Variants in TBC1D8 observed in about 807,000 individuals in gnomAD.
TBC1D8 encodes BUB2-like protein 1.
A neutral mutation model predicts 118.8 loss-of-function variants in TBC1D8; 65 were observed. The ratio of observed to expected loss-of-function variants is 0.55; its 90% confidence interval spans 0.45 to 0.67. The LOEUF is 0.67. TBC1D8 is among the 30% of genes least tolerant of loss of function. The pLI is 0.00. For synonymous variants in TBC1D8, 566 were observed against 595.8 expected, an observed-to-expected ratio of 0.95 and a Z score of 0.73; for missense variants, 1,376 against 1,471.2, an observed-to-expected ratio of 0.94 and a Z score of 1.06.
At chr2:101,023,244 A>G (rs1469139488) in intron 15 of TBC1D8, among the ~76,000 whole-genome samples, 4 of 151,836 alleles carry the variant, frequency 2.6e-5, no homozygotes, top group Non-Finnish European at 4.4e-5. Flanking sequence ...TCCAAGGTTC[A>G]AACCAGTCTC....
chr2:101,052,547 G>C (rs561849591), intron 4 of TBC1D8, among the ~76,000 whole-genome samples: 1 of 149,398 alleles, frequency 6.7e-6, no homozygotes, highest in South Asian at 2.1e-4. Context: ...TGCAATCTCG[G>C]CTCACTGCAA....
chr2:101,087,871 C>G (rs965822394), intron 2 of TBC1D8, among the ~76,000 whole-genome samples: 17 of 152,246 alleles, frequency 1.1e-4, no homozygotes, highest in African/African-American at 4.1e-4. Context: ...AGCCAGTGAA[C>G]ACTATCAGAC....
At chr2:101,059,600 C>T (rs1021910642) in intron 2 of TBC1D8, 61 bp from the exon 3 acceptor site, 77 of 1,374,418 alleles carry the variant, frequency 5.6e-5, no homozygotes, top group South Asian at 1.2e-4. Context: ...ATTCCTAGAA[C>T]GTTAACTCAT....
At chr2:101,013,098 A>G (rs1317617194) in intron 17 of TBC1D8, among the ~76,000 whole-genome samples, 3 of 152,206 alleles carry the variant, frequency 2.0e-5, no homozygotes, top group South Asian at 2.1e-4. Flanking sequence ...AAAGGCAGCA[A>G]TTAATCCAGG....
chr2:101,148,041 A>C (rs1258707792), intron 1 of TBC1D8, among the ~76,000 whole-genome samples: 3 of 152,350 alleles, frequency 2.0e-5, no homozygotes, highest in Non-Finnish European at 4.4e-5. Context: ...TAGTGCTCAG[A>C]GCCCAGGAGC....
chr2:101,032,374 G>A lies in TBC1D8; in HGVS notation c.1830C>T (p.Ile610=). Residue 610 remains isoleucine, a synonymous_variant, in exon 11 of 20, where the codon ATC becomes ATT. Transcript: ENST00000409318. ...PKIGYCQSMN[I]LTSVLLLYTK... The stretch of plus-strand genomic sequence containing the variant: ...TGTACAGCAGCAGCACGGAGGTCAG[G>A]ATGTTCATGGACTGCTCGGGGGTCA... 1 of 1,613,756 alleles carries A rather than the reference G, an allele frequency of 6.2e-7. No homozygotes were observed. The highest frequency in any genetic ancestry group is 8.5e-7 in the Non-Finnish European group (1 of 1,179,702).
intron 1 of TBC1D8, among the ~76,000 whole-genome samples, chr2:101,106,897 A>G (rs1461642192): frequency 6.6e-6 from 1 of 152,244 alleles, no homozygotes; most frequent in African/African-American, 2.4e-5. Flanking sequence ...GCTTTGTGTT[A>G]GAAGACTTTG....
chr2:101,090,072 G>T, intron 2 of TBC1D8, 137 bp downstream of exon 2: 1 of 801,720 alleles, frequency 1.2e-6, no homozygotes, highest in Non-Finnish European at 1.9e-6. Context: ...AAGGGGAGTG[G>T]AGGGGAGGGG....
At chr2:101,020,477 A>C (rs1679966485) in intron 17 of TBC1D8, among the ~76,000 whole-genome samples, 1 of 152,270 alleles carries the variant, frequency 6.6e-6, no homozygotes, top group Non-Finnish European at 1.5e-5. Context: ...AACAATTTGC[A>C]TTTATGATCA....
intron 1 of TBC1D8, among the ~76,000 whole-genome samples, chr2:101,130,079 C>A (rs1187968437): frequency 1.3e-5 from 2 of 152,154 alleles, no homozygotes; most frequent in African/African-American, 2.4e-5. Flanking sequence ...CCAGCCATGA[C>A]CCTCAGAGCC....
intron 2 of TBC1D8, among the ~76,000 whole-genome samples, chr2:101,077,673 C>T (rs1255100423): frequency 6.6e-6 from 1 of 152,162 alleles, no homozygotes; most frequent in Non-Finnish European, 1.5e-5. Flanking sequence ...AATCACCTCC[C>T]ACCAGGCCCC....
chr2:101,059,129 G>A (rs547078003), intron 3 of TBC1D8, among the ~76,000 whole-genome samples: 6 of 151,380 alleles, frequency 4.0e-5, no homozygotes, highest in East Asian at 2.0e-4. Flanking sequence ...GGATGGTCTC[G>A]ACCTCCTGAC....
chr2:101,029,010 G>A (rs79104894), intron 12 of TBC1D8, among the ~76,000 whole-genome samples: 8,090 of 152,242 alleles, frequency 0.053, 720 homozygotes, highest in African/African-American at 0.19. Flanking sequence ...AGGGACAATG[G>A]CACCCTTCAC....
At chr2:101,109,092 G>C (rs1677413966) in intron 1 of TBC1D8, among the ~76,000 whole-genome samples, 1 of 152,198 alleles carries the variant, frequency 6.6e-6, no homozygotes, top group Admixed American at 6.5e-5. Flanking sequence ...AAGCGGGGGA[G>C]AGTGACCCCC....
chr2:101,026,980 G>A (rs981352373), intron 15 of TBC1D8, among the ~76,000 whole-genome samples: 1 of 152,178 alleles, frequency 6.6e-6, no homozygotes, highest in African/African-American at 2.4e-5. Context: ...CATGTACTGT[G>A]GTGTGGGATC....
At chr2:101,110,498 C>T (rs1408386657) in intron 1 of TBC1D8, among the ~76,000 whole-genome samples, 2 of 152,118 alleles carry the variant, frequency 1.3e-5, no homozygotes, top group African/African-American at 2.4e-5. Flanking sequence ...TGATGGAAAA[C>T]GTTATTACTG....
At chr2:101,140,266 C>T (rs190695101) in intron 1 of TBC1D8, among the ~76,000 whole-genome samples, 1 of 152,218 alleles carries the variant, frequency 6.6e-6, no homozygotes, top group East Asian at 1.9e-4. Flanking sequence ...GGAATAAAAT[C>T]CAGAATAGAT....
chr2:101,117,742 T>A (rs553391290), intron 1 of TBC1D8, among the ~76,000 whole-genome samples: 2 of 151,744 alleles, frequency 1.3e-5, no homozygotes, highest in Non-Finnish European at 2.9e-5. Flanking sequence ...CCTGGCTAAT[T>A]TTTTTTGTAT....
chr2:101,018,180 A>G (rs1045552978), intron 17 of TBC1D8: 1 of 374,456 alleles, frequency 2.7e-6, no homozygotes, highest in Middle Eastern at 6.8e-4. Flanking sequence ...ATCTATAATT[A>G]TGTTTTAGAA....
Sources: gnomAD v4.1 joint callset for allele counts (sites outside exome capture counted in the v4.1 genomes callset) on GRCh38, gnomAD v4.1.1 for gene constraint, MANE v1.5 for transcripts, NCBI Gene and HGNC (gene_info 2026-07-23, HGNC 2026-07-21) for gene names.